The following RPS6KC1 variants were observed in gnomAD, a reference collection of about 807,000 sequenced individuals.
The protein encoded by RPS6KC1 is inactive ribosomal protein S6 kinase delta-1.
Under a neutral mutation model 103.8 loss-of-function variants are expected in RPS6KC1, and 54 were observed. The ratio of observed to expected loss-of-function variants is 0.52; its 90% CI spans 0.42 to 0.65. RPS6KC1 has a LOEUF of 0.65. Ranked by LOEUF, RPS6KC1 falls within the 30% of genes least tolerant of loss-of-function variation. The pLI, the probability that RPS6KC1 is intolerant of heterozygous loss-of-function variation, is 0.00. For missense variants in RPS6KC1, 1,151 were observed against 1,253.8 expected, an observed-to-expected ratio of 0.92 and a Z score of 1.24; for synonymous variants, 439 against 438.7, an observed-to-expected ratio of 1.00 and a Z score of -0.01.
chr1:213,434,342 T>TA, the RPS6KC1 span, among the ~76,000 whole-genome samples: 6,732 of 152,314 alleles, frequency 0.044, 167 homozygotes, highest in African/African-American at 0.06. Flanking sequence ...AATTCTAGAT[T>TA]ACACCTTTAA....
the RPS6KC1 span, among the ~76,000 whole-genome samples, chr1:213,396,276 A>C: frequency 6.6e-6 from 1 of 152,100 alleles, no homozygotes; most frequent in Non-Finnish European, 1.5e-5. Flanking sequence ...ATTAAATGAG[A>C]TAATGATGCC....
chr1:213,830,329 A>G, the RPS6KC1 span, among the ~76,000 whole-genome samples: 1 of 152,194 alleles, frequency 6.6e-6, no homozygotes, highest in African/African-American at 2.4e-5. Flanking sequence ...TATAAAAAGA[A>G]ATTAATTTTC....
intron 10 of RPS6KC1, 80 bp from the exon 11 acceptor site, chr1:213,240,619 AGTT>A: frequency 9.1e-7 from 1 of 1,101,826 alleles, no homozygotes; most frequent in Non-Finnish European, 1.3e-6. Context: ...TTTTTAAGAT[AGTT>A]TTTGTTTTTC....
At chr1:213,674,211 G>A in the RPS6KC1 span, among the ~76,000 whole-genome samples, 874 of 152,210 alleles carry the variant, frequency 5.7e-3, 12 homozygotes, top group African/African-American at 0.02. Context: ...TGGAGACAGG[G>A]TTTTGCCATG....
chr1:213,569,914 A>C, the RPS6KC1 span, among the ~76,000 whole-genome samples: 2 of 152,212 alleles, frequency 1.3e-5, no homozygotes, highest in Non-Finnish European at 2.9e-5. Context: ...CTTCACCCAA[A>C]TCCTTTCCAT....
the RPS6KC1 span, among the ~76,000 whole-genome samples, chr1:213,496,801 A>G: frequency 6.6e-6 from 1 of 152,158 alleles, no homozygotes; most frequent in African/African-American, 2.4e-5. Flanking sequence ...GGTATGTTGG[A>G]GCTTGCTCCT....
the RPS6KC1 span, among the ~76,000 whole-genome samples, chr1:213,475,773 A>G: frequency 6.6e-6 from 1 of 152,184 alleles, no homozygotes; most frequent in African/African-American, 2.4e-5. Flanking sequence ...GGAAATGGCC[A>G]TCTTTGGCCT....
the RPS6KC1 span, among the ~76,000 whole-genome samples, chr1:213,615,157 G>T: frequency 6.6e-6 from 1 of 152,204 alleles, no homozygotes. Flanking sequence ...TTTACATTCT[G>T]TTGACAGGTC....
the RPS6KC1 span, among the ~76,000 whole-genome samples, chr1:213,495,178 G>C: frequency 7.2e-5 from 11 of 152,194 alleles, no homozygotes; most frequent in African/African-American, 2.7e-4. Context: ...AGTCTTTAGA[G>C]AGCAACATTA....
the RPS6KC1 span, among the ~76,000 whole-genome samples, chr1:213,577,284 A>C: frequency 2.6e-5 from 4 of 152,136 alleles, no homozygotes; most frequent in South Asian, 4.1e-4. Context: ...ACTTTCCACC[A>C]TGATTGTGAG....
At chr1:213,271,597 C>G (rs937685960) in intron 14 of RPS6KC1, among the ~76,000 whole-genome samples, 1 of 151,998 alleles carries the variant, frequency 6.6e-6, no homozygotes, top group Non-Finnish European at 1.5e-5. Context: ...AACCCTGTCT[C>G]TACTAAAAAT....
chr1:213,712,680 A>G, the RPS6KC1 span, among the ~76,000 whole-genome samples: 1 of 152,118 alleles, frequency 6.6e-6, no homozygotes, highest in African/African-American at 2.4e-5. Flanking sequence ...TGCAGTTGTG[A>G]AGACTGTGGG....
chr1:213,272,537 A>G lies in RPS6KC1; in HGVS notation c.3104A>G (p.Asn1035Ser), dbSNP rs555050807. 1.4e-5 allele frequency: 22 copies of G among 1,613,754 alleles called. No individual in the cohort carries two copies. The highest frequency in any genetic ancestry group is 4.4e-5 in the South Asian group (4 of 91,074). The change falls in exon 15 of 15, where the codon AAT becomes AGT. Residue 1035 changes from asparagine to serine, a missense_variant. Asn to Ser is a conservative substitution (Grantham distance 46). Transcript: ENST00000366960. ...RSLIQQLLQFNPLERLGAGVA... is the reference protein window; with the variant it reads ...RSLIQQLLQFSPLERLGAGVA... ...GTCTTTTTTTAGCTCTTGCAGTTCA[A>G]TCCTCTGGAACGACTTGGTGCTGGA...
the RPS6KC1 span, among the ~76,000 whole-genome samples, chr1:213,730,313 G>A: frequency 6.6e-6 from 1 of 152,286 alleles, no homozygotes; most frequent in South Asian, 2.1e-4. Flanking sequence ...GGGTCAAATG[G>A]TAGTTCTTTG....
chr1:213,829,974 G>A, the RPS6KC1 span, among the ~76,000 whole-genome samples: 1 of 152,192 alleles, frequency 6.6e-6, no homozygotes, highest in African/African-American at 2.4e-5. Flanking sequence ...CACCCCATCT[G>A]CCGAGACTTT....
At chr1:213,342,638 AT>A in the RPS6KC1 span, among the ~76,000 whole-genome samples, 17 of 151,412 alleles carry the variant, frequency 1.1e-4, no homozygotes, top group African/African-American at 3.9e-4. Flanking sequence ...GTTTGCAGCC[AT>A]TTTTTTTCAT....
At chr1:213,221,366 T>G (rs536285150) in intron 8 of RPS6KC1, among the ~76,000 whole-genome samples, 1 of 152,334 alleles carries the variant, frequency 6.6e-6, no homozygotes, top group African/African-American at 2.4e-5. Context: ...GCCTGTTGCC[T>G]GCCTCTGGGT....
chr1:213,628,115 T>C, the RPS6KC1 span, among the ~76,000 whole-genome samples: 3 of 152,190 alleles, frequency 2.0e-5, no homozygotes, highest in Non-Finnish European at 4.4e-5. Context: ...GTTTGGTCTA[T>C]TCAGAGGTTC....
chr1:213,142,966 A>C (rs2087255547), intron 6 of RPS6KC1, among the ~76,000 whole-genome samples: 1 of 152,030 alleles, frequency 6.6e-6, no homozygotes, highest in Non-Finnish European at 1.5e-5. Context: ...ATATCTCCAA[A>C]GATATGCCTG....
Sources: gnomAD v4.1 joint callset for allele counts (sites outside exome capture counted in the v4.1 genomes callset) on GRCh38, gnomAD v4.1.1 for gene constraint, MANE v1.5 for transcripts, NCBI Gene and HGNC (gene_info 2026-07-23, HGNC 2026-07-21) for gene names.